Variants in ERBB4 observed in about 807,000 individuals in gnomAD.
ERBB4 encodes erb-b2 receptor tyrosine kinase 4.
Under a neutral mutation model 158.0 loss-of-function variants are expected in ERBB4, and 42 were observed. The ratio of observed to expected loss-of-function variants is 0.27; its 90% CI spans 0.21 to 0.34. The LOEUF (loss-of-function observed/expected upper bound fraction) is 0.34. Ranked by LOEUF, ERBB4 falls within the 10% of genes least tolerant of loss-of-function variation. ERBB4 has a pLI of 1.00. For missense variants in ERBB4, 1,333 were observed against 1,624.1 expected, an observed-to-expected ratio of 0.82 and a Z score of 3.08; for synonymous variants, 583 against 558.7, an observed-to-expected ratio of 1.04 and a Z score of -0.61.
intron 20 of ERBB4, among the ~76,000 whole-genome samples, chr2:211,477,185 G>T (rs2064975330): frequency 6.6e-6 from 1 of 152,094 alleles, no homozygotes; most frequent in African/African-American, 2.4e-5. Context: ...TCTGTCAGCA[G>T]GCTGCCTGTG....
At chr2:211,616,688 T>C (rs1277151229) in intron 19 of ERBB4, among the ~76,000 whole-genome samples, 1 of 152,112 alleles carries the variant, frequency 6.6e-6, no homozygotes. Context: ...TTAAACTGCA[T>C]TTTAATCATT....
At chr2:211,695,943 CTTTCTT>C (rs1156384004) in intron 12 of ERBB4, among the ~76,000 whole-genome samples, 6 of 149,898 alleles carry the variant, frequency 4.0e-5, no homozygotes, top group African/African-American at 7.6e-5. Context: ...TCTTTCTTTT[CTTTCTT>C]TTTATTTCTT....
At chr2:212,300,425 GTTTTTTAAGCAAGAGC>G (rs1303224169) in intron 1 of ERBB4, among the ~76,000 whole-genome samples, 2 of 151,566 alleles carry the variant, frequency 1.3e-5, no homozygotes, top group African/African-American at 4.8e-5. Context: ...GGGTTCGCGT[GTTTTTTAAGCAAGAGC>G]TTCACAAATG....
chr2:212,359,254 T>G (rs2089589252), intron 1 of ERBB4, among the ~76,000 whole-genome samples: 1 of 151,582 alleles, frequency 6.6e-6, no homozygotes, highest in East Asian at 1.9e-4. Context: ...TATTTACATA[T>G]TTTAAAAACT....
At chr2:211,580,902 TATATA>T (rs2068083655) in intron 19 of ERBB4, among the ~76,000 whole-genome samples, 1 of 5,676 alleles carries the variant, frequency 1.8e-4, no homozygotes, top group African/African-American at 1.0e-3. Flanking sequence ...TATATATATA[TATATA>T]TATATATATG....
At chr2:211,740,909 C>G (rs557624046) in intron 5 of ERBB4, among the ~76,000 whole-genome samples, 8 of 152,206 alleles carry the variant, frequency 5.3e-5, no homozygotes, top group African/African-American at 1.9e-4. Flanking sequence ...TGCGCCCAGC[C>G]TACTTAATTA....
chr2:212,177,135 T>C (rs2081692009), intron 1 of ERBB4, among the ~76,000 whole-genome samples: 2 of 151,880 alleles, frequency 1.3e-5, no homozygotes, highest in Admixed American at 6.6e-5. Context: ...TTCAGATTTG[T>C]ATTGTCAGTC....
chr2:211,874,115 T>G (rs1391978871), intron 3 of ERBB4, among the ~76,000 whole-genome samples: 1 of 152,188 alleles, frequency 6.6e-6, no homozygotes, highest in South Asian at 2.1e-4. Context: ...CAATGAGCCA[T>G]GATCACATCA....
intron 1 of ERBB4, among the ~76,000 whole-genome samples, chr2:212,274,627 C>T (rs925904896): frequency 6.6e-6 from 1 of 151,714 alleles, no homozygotes; most frequent in African/African-American, 2.4e-5. Flanking sequence ...GCAAATGGCA[C>T]CATGTATGGT....
chr2:211,808,068 C>T (rs2076661222), intron 3 of ERBB4, among the ~76,000 whole-genome samples: 1 of 152,120 alleles, frequency 6.6e-6, no homozygotes, highest in South Asian at 2.1e-4. Context: ...TTTTCCCATT[C>T]TGTAGGTTGC....
At position 212,277,669 on chromosome 2, in the gene ERBB4, A is replaced by C. The variant is rs370689158; in HGVS notation, c.83-152766T>G. 4.6e-5 allele frequency among the ~76,000 whole-genome samples: 7 copies of C among 151,860 alleles called. No homozygotes were observed. In the East Asian group the frequency reaches 7.8e-4, roughly 17 times the overall value. ...CCTCATCAAAAAGACTTACCACTGT[A>C]TTTAACTCTCTTATGTATTGCCTGC... On this transcript the variant is annotated intron_variant, in intron 1 of 27. Transcript: ENST00000342788.
In ERBB4 at chr2:211,933,754, G is replaced by A. The variant is rs151282411; in HGVS notation, c.421+13676C>T. Among the ~76,000 whole-genome samples, 189 of 152,090 alleles carry A rather than the reference G, an allele frequency of 1.2e-3. 1 individual carries two copies. Among genetic ancestry groups the A allele is most frequent in the African/African-American group, 4.3e-3 (178 of 41,544 alleles). On this transcript the variant is annotated intron_variant, in intron 3 of 27. Transcript: ENST00000342788. The stretch of plus-strand genomic sequence containing the variant: ...TCTCTCTGGGACTCAGTTTCGAAAT[G>A]AGAGAGGGGTTAGACGATCTTTAAA...
chr2:212,010,794 A>G (rs1334419010), intron 2 of ERBB4, among the ~76,000 whole-genome samples: 3 of 152,114 alleles, frequency 2.0e-5, no homozygotes, highest in African/African-American at 4.8e-5. Flanking sequence ...TCTCAACCAC[A>G]TAAGACAGAC....
intron 4 of ERBB4, among the ~76,000 whole-genome samples, chr2:211,775,239 T>C (rs568422650): frequency 3.6e-4 from 55 of 152,274 alleles, no homozygotes; most frequent in African/African-American, 1.3e-3. Flanking sequence ...GCCAGATAGG[T>C]GAGTGTGGTC....
chr2:211,692,041 A>C (rs2072842622), intron 12 of ERBB4, among the ~76,000 whole-genome samples: 1 of 152,200 alleles, frequency 6.6e-6, no homozygotes, highest in East Asian at 1.9e-4. Flanking sequence ...ATATTTGAAT[A>C]GTTGGTGACA....
chr2:211,436,801 T>C (rs1251758105), intron 20 of ERBB4, among the ~76,000 whole-genome samples: 1 of 152,188 alleles, frequency 6.6e-6, no homozygotes, highest in Admixed American at 6.5e-5. Flanking sequence ...AAAGTATTAT[T>C]TTAACAATAA....
chr2:212,487,975 C>T (rs149350882), intron 1 of ERBB4, among the ~76,000 whole-genome samples: 13 of 152,212 alleles, frequency 8.5e-5, no homozygotes, highest in South Asian at 4.1e-4. Context: ...CTCAATAACA[C>T]GTGCTCTCTT....
intron 3 of ERBB4, among the ~76,000 whole-genome samples, chr2:211,909,345 T>C (rs2079481481): frequency 6.6e-6 from 1 of 151,764 alleles, no homozygotes; most frequent in Non-Finnish European, 1.5e-5. Context: ...TGGTCACGTG[T>C]TACTTAATAC....
chr2:212,065,611 A>C (rs1438205289), intron 2 of ERBB4, among the ~76,000 whole-genome samples: 3 of 152,060 alleles, frequency 2.0e-5, no homozygotes, highest in South Asian at 4.1e-4. Flanking sequence ...TGTTCTTAGA[A>C]GGCAACTGGA....
Sources: allele counts gnomAD v4.1 joint callset (sites outside exome capture counted in the v4.1 genomes callset), GRCh38; gene constraint gnomAD v4.1.1; transcripts MANE v1.5; gene names NCBI Gene and HGNC (gene_info 2026-07-23, HGNC 2026-07-21).